SEMA5A: variants seen among roughly 807,000 people sequenced by gnomAD.
SEMA5A encodes semaphorin-5A.
SEMA5A carries 55 observed loss-of-function variants against 135.5 expected under a neutral mutation model. That is an observed-to-expected ratio of 0.41 (90% CI 0.33 to 0.51). The LOEUF (loss-of-function observed/expected upper bound fraction) is 0.51, where lower values mean the gene tolerates loss of function less well. Ranked by LOEUF, SEMA5A falls within the 20% of genes least tolerant of loss-of-function variation. The pLI, the probability that SEMA5A is intolerant of heterozygous loss-of-function variation, is 0.37. For missense variants in SEMA5A, 1,290 were observed against 1,419.9 expected, an observed-to-expected ratio of 0.91 and a Z score of 1.47; for synonymous variants, 580 against 546.5, an observed-to-expected ratio of 1.06 and a Z score of -0.85.
At chr5:9,264,263 C>T (rs1384505889) in intron 5 of SEMA5A, among the ~76,000 whole-genome samples, 1 of 151,198 alleles carries the variant, frequency 6.6e-6, no homozygotes, top group East Asian at 1.9e-4. Flanking sequence ...ATTTTTAGAG[C>T]TAGAATAAAG....
chr5:9,153,611 A>AC (rs1553993641), intron 12 of SEMA5A, among the ~76,000 whole-genome samples: 1 of 150,584 alleles, frequency 6.6e-6, no homozygotes, highest in Non-Finnish European at 1.5e-5. Flanking sequence ...GTGGCGGGGG[A>AC]GGGGGGGGTG....
Position 9,411,173 on chromosome 5 carries a change from C to A in SEMA5A, c.-78+26583G>T, listed in dbSNP as rs567958102. 5.9e-5 allele frequency among the ~76,000 whole-genome samples: 9 copies of A among 152,284 alleles called. No individual in the cohort carries two copies. The South Asian group carries it at 1.7e-3, about 28-fold the overall frequency. On this transcript the variant is annotated intron_variant, in intron 2 of 22. Transcript: ENST00000382496. The stretch of plus-strand genomic sequence containing the variant: ...GGGTCAGATGCTGCCTAATAGAAAT[C>A]AAGTGACACGTCTTTAGCATGTTCT...
chr5:9,114,789 CA>C (rs1283950533), intron 15 of SEMA5A, among the ~76,000 whole-genome samples: 1 of 152,018 alleles, frequency 6.6e-6, no homozygotes, highest in African/African-American at 2.4e-5. Context: ...GCAAAAGATG[CA>C]AAAAATATGA....
rs1479297213 is a variant in SEMA5A at position 9,041,384 on chromosome 5, C to T, written c.*1513G>A. The stretch of plus-strand genomic sequence containing the variant: ...TCTACCCAGGACTTTATCACATGCT[C>T]AGAGGCATCAGATGAACTTTTTCAG... On this transcript the variant is annotated 3_prime_UTR_variant, in exon 23 of 23. Coordinates refer to ENST00000382496, the MANE Select transcript of SEMA5A (RefSeq NM_003966.3). 6.6e-6 allele frequency: 1 copy of T among 152,184 alleles called. No homozygotes were observed. The highest frequency in any genetic ancestry group is 1.9e-4 in the East Asian group (1 of 5,196). The allele number at this position is 152,184 out of a possible 1,614,324, so 9.4% of individuals were successfully genotyped here.
intron 1 of SEMA5A, among the ~76,000 whole-genome samples, chr5:9,463,570 T>TA (rs894970698): frequency 8.6e-5 from 13 of 151,950 alleles, no homozygotes; most frequent in Non-Finnish European, 1.0e-4. Context: ...ATCTAAACCA[T>TA]AAAAAAACTC....
At chr5:9,184,256 G>GT (rs56212340) in intron 11 of SEMA5A, among the ~76,000 whole-genome samples, 77,841 of 148,172 alleles carry the variant, frequency 0.53, 20,714 homozygotes, top group East Asian at 0.65. Flanking sequence ...TTCATTTTTA[G>GT]TTTTTTTTTT....
At chr5:9,197,724 C>G (rs958699482) in intron 9 of SEMA5A, among the ~76,000 whole-genome samples, 3 of 72,440 alleles carry the variant, frequency 4.1e-5, no homozygotes, top group Non-Finnish European at 9.8e-5. Flanking sequence ...GCAGGGAAAG[C>G]TGTTTGTGTG....
chr5:9,043,653 C>T (rs768332762), intron 22 of SEMA5A, among the ~76,000 whole-genome samples: 58 of 152,300 alleles, frequency 3.8e-4, no homozygotes, highest in Non-Finnish European at 8.1e-4. Flanking sequence ...GCCCAATGGC[C>T]ATCTGTCCAG....
At chr5:9,369,828 T>G (rs1480911199) in intron 3 of SEMA5A, among the ~76,000 whole-genome samples, 1 of 151,850 alleles carries the variant, frequency 6.6e-6, no homozygotes, top group Non-Finnish European at 1.5e-5. Context: ...TACCTGGTTA[T>G]CATTATGAAA....
chr5:9,050,437 T>C lies in SEMA5A; in HGVS notation c.2866A>G (p.Ser956Gly), dbSNP rs34563995. The change falls in exon 21 of 23, where the codon AGT becomes GGT. Residue 956 changes from serine (S) to glycine (G), a missense_variant. Physicochemically the swap from Ser to Gly is moderately conservative, Grantham distance 56. Coordinates refer to ENST00000382496, the MANE Select transcript of SEMA5A (RefSeq NM_003966.3). ...CCACACCTTTTCTCTTCTACGCTAC[T>C]GGATCTTGCCACAGATACTTCTGGA... ...FIPEVSVARS[S>G]SVEEKRCGEF... 24,869 of 1,612,774 alleles carry C rather than the reference T, an allele frequency of 0.015. 314 individuals are homozygous for C. The highest frequency in any genetic ancestry group is 0.017 in the Non-Finnish European group (19,579 of 1,179,324).
intron 10 of SEMA5A, 46 bp downstream of exon 10, chr5:9,197,122 C>T (rs754343601): frequency 1.2e-6 from 2 of 1,612,136 alleles, no homozygotes; most frequent in South Asian, 1.1e-5. Flanking sequence ...CTTCTGCATT[C>T]TTCATGGGGG....
At chr5:9,152,733 T>C (rs1742697039) in intron 12 of SEMA5A, among the ~76,000 whole-genome samples, 1 of 152,178 alleles carries the variant, frequency 6.6e-6, no homozygotes, top group Admixed American at 6.6e-5. Flanking sequence ...ATGTGTTGAG[T>C]GACAAAGTGA....
intron 11 of SEMA5A, among the ~76,000 whole-genome samples, chr5:9,177,728 T>A (rs1744279784): frequency 6.6e-6 from 1 of 152,156 alleles, no homozygotes; most frequent in African/African-American, 2.4e-5. Context: ...AAAGACATCC[T>A]GCATCTCACA....
intron 1 of SEMA5A, among the ~76,000 whole-genome samples, chr5:9,520,906 C>G (rs1395534343): frequency 6.6e-6 from 1 of 152,170 alleles, no homozygotes; most frequent in Non-Finnish European, 1.5e-5. Flanking sequence ...GCACAGGATC[C>G]TGGCACAGAC....
At chr5:9,050,194 C>T (rs766063063) in intron 21 of SEMA5A, among the ~76,000 whole-genome samples, 2 of 152,166 alleles carry the variant, frequency 1.3e-5, no homozygotes, top group South Asian at 4.1e-4. Context: ...ATGCCCTGGA[C>T]GTGGGTCTAC....
intron 1 of SEMA5A, among the ~76,000 whole-genome samples, chr5:9,494,147 T>C (rs893090600): frequency 3.3e-5 from 5 of 152,162 alleles, no homozygotes; most frequent in African/African-American, 1.2e-4. Context: ...CCTTGTGCAA[T>C]TGGTATTGTG....
intron 2 of SEMA5A, among the ~76,000 whole-genome samples, chr5:9,417,423 G>A (rs1361598690): frequency 6.6e-6 from 1 of 152,056 alleles, no homozygotes; most frequent in Non-Finnish European, 1.5e-5. Flanking sequence ...AGCCTTAAGT[G>A]GGATCCCAAT....
chr5:9,426,639 T>C (rs1312157313), intron 2 of SEMA5A, among the ~76,000 whole-genome samples: 1 of 152,092 alleles, frequency 6.6e-6, no homozygotes, highest in African/African-American at 2.4e-5. Flanking sequence ...GGAACTGGCA[T>C]GTGCTTAAGA....
intron 2 of SEMA5A, among the ~76,000 whole-genome samples, chr5:9,403,408 AG>A (rs1436434495): frequency 6.6e-6 from 1 of 152,142 alleles, no homozygotes; most frequent in Non-Finnish European, 1.5e-5. Context: ...TAGGAAGCCC[AG>A]CTCCTCCACT....
Sources: gnomAD v4.1 joint callset for allele counts (sites outside exome capture counted in the v4.1 genomes callset) on GRCh38, gnomAD v4.1.1 for gene constraint, MANE v1.5 for transcripts, NCBI Gene and HGNC (gene_info 2026-07-23, HGNC 2026-07-21) for gene names.